The following WNT7B variants were observed in gnomAD, a reference collection of about 807,000 sequenced individuals.
WNT7B encodes the protein protein Wnt-7b.
In WNT7B, 19 loss-of-function variants were observed where a neutral mutation model predicts 38.2. The ratio of observed to expected loss-of-function variants is 0.50; its 90% CI spans 0.35 to 0.73. The LOEUF is 0.73. Ranked by LOEUF, WNT7B falls within the 30% of genes least tolerant of loss-of-function variation. WNT7B has a pLI of 0.01. For synonymous variants in WNT7B, 243 were observed against 209.3 expected (o/e 1.16, Z -1.39); for missense variants, 423 against 507.9 (o/e 0.83, Z 1.61).
At position 45,951,298 on chromosome 22, in the gene WNT7B, A is replaced by C. The variant is rs1200372671; in HGVS notation, c.72-1152T>G. 6.6e-6 allele frequency among the ~76,000 whole-genome samples: 1 copy of C among 152,046 alleles called. No individual in the cohort carries two copies. Among genetic ancestry groups the C allele is most frequent in the African/African-American group, 2.4e-5 (1 of 41,378 alleles). ...CACTGTGTTGGCCAGGCTGGTCTCG[A>C]ACTCCTGACCTCAGGTCATCTGCCC... On this transcript the variant is annotated intron_variant, in intron 1 of 3. Coordinates refer to ENST00000339464, the MANE Select transcript of WNT7B (RefSeq NM_058238.3). This position sits in a 1 kb window ranked among gnomAD's most constrained non-coding sequence, Gnocchi z 4.8.
At chr22:45,939,287 T>C (rs1931585090) in intron 2 of WNT7B, among the ~76,000 whole-genome samples, 1 of 152,184 alleles carries the variant, frequency 6.6e-6, no homozygotes, top group African/African-American at 2.4e-5. Context: ...GCCACTCCTA[T>C]GCATACACTT....
rs544032019 is a variant in WNT7B at position 45,941,200 on chromosome 22, G to A, written c.298+8720C>T. On this transcript the variant is annotated intron_variant, in intron 2 of 3. Coordinates refer to ENST00000339464, the MANE Select transcript of WNT7B (RefSeq NM_058238.3). ...GGGATTAGCAAGTGGATCGGGTGAG[G>A]GGGTTTAGGGAGGAAAGAGTGCAGA... Among the ~76,000 whole-genome samples the A allele has an allele frequency of 5.9e-5, 9 of 152,312 alleles. 2 individuals are homozygous for A. The South Asian group carries it at 8.3e-4, about 14-fold the overall frequency.
chr22:45,959,729 C>T (rs893468752), intron 1 of WNT7B, among the ~76,000 whole-genome samples: 3 of 152,266 alleles, frequency 2.0e-5, no homozygotes, highest in East Asian at 3.9e-4. Context: ...GACTGGACAC[C>T]GGCTCCCAAC....
chr22:45,935,956 A>G, intron 2 of WNT7B: 1 of 985,226 alleles, frequency 1.0e-6, no homozygotes, highest in African/African-American at 1.7e-5. Context: ...CGGGGGGCCT[A>G]GGGGCCTCTC....
At chr22:45,959,615 C>G (rs1484931266) in intron 1 of WNT7B, among the ~76,000 whole-genome samples, 1 of 152,174 alleles carries the variant, frequency 6.6e-6, no homozygotes, top group African/African-American at 2.4e-5. Context: ...ACCGACCCCA[C>G]AAACCACAGC....
chr22:45,968,561 A>G (rs1555910274), intron 1 of WNT7B, among the ~76,000 whole-genome samples: 1 of 152,164 alleles, frequency 6.6e-6, no homozygotes, highest in African/African-American at 2.4e-5. Context: ...GCATTATCCT[A>G]CAGGCCTCAG....
At chr22:45,972,296 G>A (rs1344148856) in intron 1 of WNT7B, 6 of 546,434 alleles carry the variant, frequency 1.1e-5, no homozygotes, top group Non-Finnish European at 2.0e-5. Context: ...GCCTGGGCCA[G>A]CTGAGGCCGG....
chr22:45,974,486 G>T (rs1428446647), intron 1 of WNT7B, among the ~76,000 whole-genome samples: 1 of 152,230 alleles, frequency 6.6e-6, no homozygotes, highest in East Asian at 1.9e-4. Context: ...GGAGGGATTG[G>T]CTCTCCTTCC....
chr22:45,922,661 G>A lies in WNT7B; in HGVS notation c.*195C>T. 1 of 845,960 alleles carries A rather than the reference G, an allele frequency of 1.2e-6. No individual in the cohort carries two copies. Among genetic ancestry groups the A allele is most frequent in the Non-Finnish European group, 1.8e-6 (1 of 565,412 alleles). 52.4% of individuals were successfully genotyped at this position (845,960 alleles called of 1,614,324 possible). ...GTTCTGCCGCAGGAGGTGATGGGAG[G>A]AGGTGGCAGGAAGGAGCCCCAGGGA... On this transcript the variant is annotated 3_prime_UTR_variant, in exon 4 of 4. Transcript: ENST00000339464.
At chr22:45,971,052 G>A (rs748746054) in intron 1 of WNT7B, among the ~76,000 whole-genome samples, 2 of 152,202 alleles carry the variant, frequency 1.3e-5, no homozygotes, top group Non-Finnish European at 2.9e-5. Context: ...AAGGAAAACT[G>A]GTAGGATAGT....
At chr22:45,955,676 G>A (rs754740261) in intron 1 of WNT7B, among the ~76,000 whole-genome samples, 28 of 152,302 alleles carry the variant, frequency 1.8e-4, no homozygotes, top group Non-Finnish European at 2.5e-4. Context: ...CACTGAATGG[G>A]GCCTCGGGAC....
intron 2 of WNT7B, among the ~76,000 whole-genome samples, chr22:45,947,035 T>G (rs1023111714): frequency 6.6e-6 from 1 of 152,152 alleles, no homozygotes; most frequent in Non-Finnish European, 1.5e-5. Context: ...TCCCAGCCCA[T>G]GCCAGGGCAC....
At position 45,975,890 on chromosome 22, in the gene WNT7B, T is replaced by G. The variant is rs1932539414; in HGVS notation, c.71+794A>C. 4.8e-6 allele frequency: 1 copy of G among 209,374 alleles called. No individual in the cohort carries two copies. The highest frequency in any genetic ancestry group is 2.3e-5 in the African/African-American group (1 of 43,106). 13.0% of individuals were successfully genotyped at this position (209,374 alleles called of 1,614,324 possible). ...CTTCGAGCGAAGCCGAGACAGATTC[T>G]GTCTAAAGGAGATCGCGGCTCAACA... On this transcript the variant is annotated intron_variant, in intron 1 of 3. Coordinates refer to ENST00000339464, the MANE Select transcript of WNT7B (RefSeq NM_058238.3). This position sits in a 1 kb window ranked among gnomAD's most constrained non-coding sequence, Gnocchi z 6.6.
At chr22:45,930,701 C>T (rs1158921276) in intron 3 of WNT7B, among the ~76,000 whole-genome samples, 1 of 152,238 alleles carries the variant, frequency 6.6e-6, no homozygotes, top group Non-Finnish European at 1.5e-5. Flanking sequence ...AAGGCTGCCT[C>T]TGCCAGGAAG....
chr22:45,931,773 C>T (rs1931369456), intron 2 of WNT7B, among the ~76,000 whole-genome samples: 1 of 152,178 alleles, frequency 6.6e-6, no homozygotes, highest in South Asian at 2.1e-4. Flanking sequence ...CATGCCTCTG[C>T]TCCTCCCCTC....
At chr22:45,961,277 G>A (rs541776551) in intron 1 of WNT7B, among the ~76,000 whole-genome samples, 34 of 152,206 alleles carry the variant, frequency 2.2e-4, no homozygotes, top group African/African-American at 4.1e-4. Context: ...AGTTCCGCCC[G>A]GCCACCCCAA....
chr22:45,939,169 GGTGGCAGTGTGAGATGCTC>G (rs1341906263), intron 2 of WNT7B, among the ~76,000 whole-genome samples: 3 of 152,142 alleles, frequency 2.0e-5, no homozygotes, highest in Non-Finnish European at 4.4e-5. Context: ...GTGAGATGCT[GGTGGCAGTGTGAGATGCTC>G]GTGGCAGTGT....
chr22:45,931,333 G>A lies in WNT7B; in HGVS notation c.335C>T (p.Ala112Val). 1 of 1,595,708 alleles carries A rather than the reference G, an allele frequency of 6.3e-7. No homozygotes were observed. The highest frequency in any genetic ancestry group is 8.5e-7 in the Non-Finnish European group (1 of 1,177,990). Reference sequence around the variant, plus strand: ...GGTGACGGCGTGCGCCACGCCAGCCGCGGTGATGGCGTACGTGAAGGCAGC... The same window carrying A: ...GGTGACGGCGTGCGCCACGCCAGCCACGGTGATGGCGTACGTGAAGGCAGC... ...REAAFTYAIT[A>V]AGVAHAVTAA... is the part of the protein sequence containing the mutation. The change falls in exon 3 of 4, where the codon GCG (alanine) becomes GTG (valine). Residue 112 changes from alanine (A) to valine (V), a missense_variant. Physicochemically the swap from Ala to Val is moderately conservative, Grantham distance 64. Transcript: ENST00000339464.
At chr22:45,956,161 G>A (rs1054525238) in intron 1 of WNT7B, among the ~76,000 whole-genome samples, 3 of 152,186 alleles carry the variant, frequency 2.0e-5, no homozygotes, top group African/African-American at 7.2e-5. Context: ...GCCCTGGGGT[G>A]CCTGAGTCTG....
Sources: gnomAD v4.1 joint callset for allele counts (sites outside exome capture counted in the v4.1 genomes callset) on GRCh38, gnomAD v4.1.1 for gene constraint, Gnocchi (gnomAD v3.1) non-coding constraint, MANE v1.5 for transcripts, NCBI Gene and HGNC (gene_info 2026-07-23, HGNC 2026-07-21) for gene names.